SESN1: variants seen among roughly 807,000 people sequenced by gnomAD.
The protein encoded by SESN1 is sestrin-1.
A neutral mutation model predicts 59.3 loss-of-function variants in SESN1; 30 were observed. That is an observed-to-expected ratio of 0.51 (90% CI 0.38 to 0.69). The LOEUF (loss-of-function observed/expected upper bound fraction) is 0.69, where lower values mean the gene tolerates loss of function less well. SESN1 is among the 30% of genes least tolerant of loss of function. SESN1 has a pLI of 0.00. For missense variants in SESN1, 566 were observed against 673.0 expected, an observed-to-expected ratio of 0.84 and a Z score of 1.76; for synonymous variants, 197 against 219.9, an observed-to-expected ratio of 0.90 and a Z score of 0.92.
intron 1 of SESN1, among the ~76,000 whole-genome samples, chr6:109,004,596 A>C (rs886554608): frequency 6.6e-6 from 1 of 151,552 alleles, no homozygotes; most frequent in African/African-American, 2.4e-5. Context: ...ACACCTGGCT[A>C]ATTTTTTGTA....
At position 108,994,576 on chromosome 6, in the gene SESN1, T is replaced by A; in HGVS notation, c.1006A>T (p.Met336Leu). ...TCCTGTAACTGCCTCATCTTTTCCA[T>A]GAGGGCTTCAACCTCAAAGAAAGAA... is the stretch of plus-strand genomic sequence containing the variant. ...SDSFFEVEALMEKMRQLQECR... is the reference protein window; with the variant it reads ...SDSFFEVEALLEKMRQLQECR... The change falls in exon 6 of 10, where the codon ATG becomes TTG. Residue 336 changes from methionine (M) to leucine (L), a missense_variant. Transcript: ENST00000436639. The A allele has an allele frequency of 6.2e-7, 1 of 1,613,328 alleles. No individual in the cohort carries two copies. Among genetic ancestry groups the A allele is most frequent in the Non-Finnish European group, 8.5e-7 (1 of 1,179,694 alleles).
chr6:109,009,053 T>C, intron 1 of SESN1: 1 of 954,098 alleles, frequency 1.0e-6, no homozygotes, highest in Non-Finnish European at 1.3e-6. Flanking sequence ...ACAATGTTAT[T>C]TACGTATTGG....
intron 1 of SESN1, among the ~76,000 whole-genome samples, chr6:109,032,319 CT>C (rs1356015890): frequency 2.0e-5 from 3 of 151,668 alleles, no homozygotes; most frequent in African/African-American, 7.3e-5. Context: ...CGTGCTCCCC[CT>C]GTACATGAAA....
intron 1 of SESN1, among the ~76,000 whole-genome samples, chr6:109,047,784 T>G (rs1780476868): frequency 7.0e-6 from 1 of 143,784 alleles, no homozygotes; most frequent in Non-Finnish European, 1.6e-5. Flanking sequence ...CCTGTTGATC[T>G]GTGACCTTAC....
intron 1 of SESN1, among the ~76,000 whole-genome samples, chr6:109,022,402 G>A (rs959691643): frequency 2.2e-4 from 21 of 93,624 alleles, no homozygotes; most frequent in Non-Finnish European, 3.6e-4. Flanking sequence ...ATCAGGCATT[G>A]TTCTAAAGCT....
At position 109,018,017 on chromosome 6, in the gene SESN1, A is replaced by G. The variant is rs567258586; in HGVS notation, c.280-15674T>C. Among the ~76,000 whole-genome samples, 23 of 152,316 alleles carry G rather than the reference A, an allele frequency of 1.5e-4. No homozygotes were observed. The South Asian group carries it at 4.6e-3, about 30-fold the overall frequency. ...ACCCTGTCTCTTTCTATAGAACAAT[A>G]ATAAGAAGAAGAAATAGCAAAAATA... On this transcript the variant is annotated intron_variant, in intron 1 of 9. Coordinates refer to ENST00000436639, the MANE Select transcript of SESN1 (RefSeq NM_014454.3).
chr6:109,009,576 A>C, intron 1 of SESN1: 2 of 1,094,910 alleles, frequency 1.8e-6, no homozygotes, highest in Non-Finnish European at 2.2e-6. Context: ...GGCGGCGCCG[A>C]CAAACAAGCC....
At chr6:109,016,550 T>A (rs1311249023) in intron 1 of SESN1, among the ~76,000 whole-genome samples, 1 of 152,208 alleles carries the variant, frequency 6.6e-6, no homozygotes, top group Non-Finnish European at 1.5e-5. Flanking sequence ...TGTAGGTTAT[T>A]ATGTATTTTA....
chr6:109,073,768 G>C (rs1780978987), intron 1 of SESN1, among the ~76,000 whole-genome samples: 1 of 152,180 alleles, frequency 6.6e-6, no homozygotes, highest in South Asian at 2.1e-4. Context: ...ACATTTCAGA[G>C]AGTACAGTTT....
intron 1 of SESN1, among the ~76,000 whole-genome samples, chr6:109,066,110 A>G (rs1780820392): frequency 6.6e-6 from 1 of 152,150 alleles, no homozygotes; most frequent in Non-Finnish European, 1.5e-5. Flanking sequence ...ACTAATACAT[A>G]TATTGACAGG....
chr6:109,093,891 C>T lies in SESN1; in HGVS notation c.183G>A (p.Gly61=), dbSNP rs1177109210. 2 of 1,614,174 alleles carry T rather than the reference C, an allele frequency of 1.2e-6. No homozygotes were observed. Among genetic ancestry groups the T allele is most frequent in the Non-Finnish European group, 1.7e-6 (2 of 1,180,032 alleles). ...DGLSNTESSD[G]LNKLLAHLLM... ...GCAGATGAGCAAGTAGCTTATTCAA[C>T]CCATCCGAAGACTCGGTATTTGAAA... The change falls in exon 1 of 10, where the codon GGG becomes GGA. Residue 61 remains glycine, a synonymous_variant. Transcript: ENST00000436639.
chr6:109,047,021 C>T (rs1202048855), intron 1 of SESN1, among the ~76,000 whole-genome samples: 21 of 30,816 alleles, frequency 6.8e-4, no homozygotes, highest in African/African-American at 2.8e-3. Context: ...CCCGGCCAGC[C>T]GCCCCATCCG....
intron 5 of SESN1, among the ~76,000 whole-genome samples, chr6:108,997,674 A>T (rs1016875099): frequency 1.3e-5 from 2 of 152,218 alleles, no homozygotes; most frequent in South Asian, 4.1e-4. Flanking sequence ...GCCCGAAGTC[A>T]AATATATAAA....
In SESN1 at chr6:108,986,383, C is replaced by G. The variant is rs1485678110; in HGVS notation, c.*1161G>C. 6.6e-6 allele frequency: 1 copy of G among 151,742 alleles called. No individual in the cohort carries two copies. Among genetic ancestry groups the G allele is most frequent in the Non-Finnish European group, 1.5e-5 (1 of 67,950 alleles). The allele number at this position is 151,742 out of a possible 1,614,324, so 9.4% of individuals were successfully genotyped here. On this transcript the variant is annotated 3_prime_UTR_variant, in exon 10 of 10. Coordinates refer to ENST00000436639, the MANE Select transcript of SESN1 (RefSeq NM_014454.3). ...TGGCTTATGAAAGTAGATAGAAACT[C>G]AAAATTATTACTAATAGTGAAGTCA...
chr6:108,994,140 TAAA>T (rs764125940), intron 6 of SESN1, among the ~76,000 whole-genome samples: 12 of 100,252 alleles, frequency 1.2e-4, no homozygotes, highest in Admixed American at 8.8e-4. Flanking sequence ...CCCTGTTTCT[TAAA>T]AAAAAAAAAA....
At chr6:109,027,856 TTAAA>T (rs1790452672) in intron 1 of SESN1, among the ~76,000 whole-genome samples, 1 of 152,206 alleles carries the variant, frequency 6.6e-6, no homozygotes, top group South Asian at 2.1e-4. Flanking sequence ...TATTGGTCAT[TTAAA>T]TACATATATA....
chr6:109,089,027 A>G (rs954421671), intron 1 of SESN1, among the ~76,000 whole-genome samples: 1 of 152,136 alleles, frequency 6.6e-6, no homozygotes, highest in Non-Finnish European at 1.5e-5. Flanking sequence ...GAACTGGGGT[A>G]TAAACAAAAG....
At chr6:109,021,461 CT>C (rs112563691) in intron 1 of SESN1, among the ~76,000 whole-genome samples, 129 of 146,180 alleles carry the variant, frequency 8.8e-4, no homozygotes, top group Admixed American at 9.6e-4. Flanking sequence ...CCTCATCCTT[CT>C]TTTTTTTTTT....
chr6:109,076,195 A>G (rs989637636), intron 1 of SESN1, among the ~76,000 whole-genome samples: 5 of 152,248 alleles, frequency 3.3e-5, no homozygotes, highest in African/African-American at 1.2e-4. Flanking sequence ...TGTGGTTTGC[A>G]GCTTCAATTT....
Sources: gnomAD v4.1 joint callset for allele counts (sites outside exome capture counted in the v4.1 genomes callset) on GRCh38, gnomAD v4.1.1 for gene constraint, MANE v1.5 for transcripts, NCBI Gene and HGNC (gene_info 2026-07-23, HGNC 2026-07-21) for gene names.